Variants in SYT2 observed in about 807,000 individuals in gnomAD.
The protein encoded by SYT2 is synaptotagmin 2.
Under a neutral mutation model 39.9 loss-of-function variants are expected in SYT2, and 15 were observed. The observed-to-expected ratio is 0.38, with a 90% CI of 0.25 to 0.58. The LOEUF is 0.58. Among genes scored for constraint, SYT2 ranks in the 20% least tolerant of loss-of-function variants. The pLI is 0.70. For missense variants in SYT2, 389 were observed against 530.3 expected (o/e 0.73, Z 2.62); for synonymous variants, 181 against 204.5 (o/e 0.89, Z 0.98).
intron 1 of SYT2, chr1:202,632,024 A>G (rs183722651): frequency 3.0e-6 from 3 of 985,404 alleles, no homozygotes; most frequent in East Asian, 2.3e-4. Flanking sequence ...GAGGACCACA[A>G]GAGCTTCCTT....
At chr1:202,659,580 T>C (rs1273023644) in intron 1 of SYT2, among the ~76,000 whole-genome samples, 2 of 152,194 alleles carry the variant, frequency 1.3e-5, no homozygotes, top group Admixed American at 1.3e-4. Context: ...GCAGGGGAAG[T>C]AGAGCTGCCC....
chr1:202,696,490 G>A (rs550898260), intron 1 of SYT2, among the ~76,000 whole-genome samples: 4 of 149,720 alleles, frequency 2.7e-5, no homozygotes, highest in African/African-American at 9.7e-5. Context: ...TTAAATAATT[G>A]TAATTAAATA....
At chr1:202,606,855 A>G (rs1051568039) in intron 1 of SYT2, among the ~76,000 whole-genome samples, 2 of 152,058 alleles carry the variant, frequency 1.3e-5, no homozygotes, top group Non-Finnish European at 2.9e-5. Context: ...ATTTTTTCTG[A>G]GTATGTTTTA....
intron 1 of SYT2, among the ~76,000 whole-genome samples, chr1:202,681,997 C>T (rs980737338): frequency 2.0e-5 from 3 of 152,208 alleles, no homozygotes; most frequent in Non-Finnish European, 4.4e-5. Flanking sequence ...GAGGCCAGGG[C>T]CACGGTGGCT....
chr1:202,693,417 G>A (rs957299982), intron 1 of SYT2, among the ~76,000 whole-genome samples: 1 of 152,152 alleles, frequency 6.6e-6, no homozygotes, highest in African/African-American at 2.4e-5. Context: ...GCCTGCATCT[G>A]GGCATGACCA....
intron 1 of SYT2, among the ~76,000 whole-genome samples, chr1:202,640,281 G>C (rs1195236687): frequency 7.6e-6 from 1 of 130,958 alleles, no homozygotes; most frequent in Non-Finnish European, 1.6e-5. Context: ...CAAAGGCAGA[G>C]CCAGCAGGGT....
intron 1 of SYT2, among the ~76,000 whole-genome samples, chr1:202,654,797 C>A (rs1391339935): frequency 2.0e-5 from 3 of 152,100 alleles, no homozygotes; most frequent in Non-Finnish European, 2.9e-5. Context: ...AAGGCTGGGC[C>A]AAAATTAACT....
At chr1:202,632,620 CT>C in intron 1 of SYT2, 3 of 983,930 alleles carry the variant, frequency 3.0e-6, no homozygotes, top group Non-Finnish European at 3.6e-6. Flanking sequence ...AGGCTCGACT[CT>C]TCTCCAAGCA....
At chr1:202,656,774 A>G (rs1367831847) in intron 1 of SYT2, among the ~76,000 whole-genome samples, 1 of 152,192 alleles carries the variant, frequency 6.6e-6, no homozygotes, top group Admixed American at 6.5e-5. Flanking sequence ...TTCCCTAACC[A>G]GCCTCTGCTA....
At position 202,696,737 on chromosome 1, in the gene SYT2, T is replaced by C. The variant is rs373428655; in HGVS notation, c.-18+13521A>G. Among the ~76,000 whole-genome samples, 27 of 152,350 alleles carry C rather than the reference T, an allele frequency of 1.8e-4. No individual in the cohort carries two copies. The South Asian group carries it at 2.5e-3, about 14-fold the overall frequency. On this transcript the variant is annotated intron_variant, in intron 1 of 8. Transcript: ENST00000367268. ...CTGCAAGGCCAGGGGTCCCAGCTTCTAGTCCTGGCCCCAACACTGAGGAGT... is the reference window on the plus strand; with the variant it reads ...CTGCAAGGCCAGGGGTCCCAGCTTCCAGTCCTGGCCCCAACACTGAGGAGT...
At chr1:202,691,980 C>T (rs537532451) in intron 1 of SYT2, among the ~76,000 whole-genome samples, 10 of 152,164 alleles carry the variant, frequency 6.6e-5, no homozygotes, top group Middle Eastern at 3.4e-3. Context: ...ACCATCAAAG[C>T]ACCCCCAGCC....
intron 1 of SYT2, among the ~76,000 whole-genome samples, chr1:202,704,024 T>C (rs1654186567): frequency 6.6e-6 from 1 of 152,306 alleles, no homozygotes; most frequent in South Asian, 2.1e-4. Context: ...ACCTGACAAA[T>C]GCCTCGGGGG....
chr1:202,652,630 A>T (rs1358563283), intron 1 of SYT2, among the ~76,000 whole-genome samples: 1 of 152,142 alleles, frequency 6.6e-6, no homozygotes, highest in African/African-American at 2.4e-5. Context: ...GAGGAGCTTA[A>T]AGGAAAGGTG....
chr1:202,694,821 T>A (rs1653933953), intron 1 of SYT2, among the ~76,000 whole-genome samples: 1 of 151,724 alleles, frequency 6.6e-6, no homozygotes, highest in African/African-American at 2.4e-5. Context: ...CTCCGACACT[T>A]TAATATATTT....
intron 1 of SYT2, among the ~76,000 whole-genome samples, chr1:202,686,715 CCT>C (rs1295157972): frequency 9.2e-5 from 14 of 152,278 alleles, no homozygotes; most frequent in African/African-American, 3.4e-4. Context: ...CAAACAGGCC[CCT>C]GATGCTAGCT....
intron 1 of SYT2, among the ~76,000 whole-genome samples, chr1:202,615,989 G>A (rs558600233): frequency 3.3e-5 from 5 of 151,890 alleles, no homozygotes; most frequent in East Asian, 3.9e-4. Context: ...GGCTACCCCC[G>A]ACTGCTGAGC....
chr1:202,615,633 G>T (rs1691012024), intron 1 of SYT2, among the ~76,000 whole-genome samples: 1 of 152,114 alleles, frequency 6.6e-6, no homozygotes, highest in Admixed American at 6.5e-5. Flanking sequence ...TAAGATCCCT[G>T]CCTGGCCTGG....
chr1:202,648,678 G>T (rs1233278308), intron 1 of SYT2, among the ~76,000 whole-genome samples: 1 of 152,188 alleles, frequency 6.6e-6, no homozygotes, highest in African/African-American at 2.4e-5. Flanking sequence ...CATCCACTGG[G>T]CTACCTGGGG....
intron 1 of SYT2, among the ~76,000 whole-genome samples, chr1:202,672,620 G>T (rs187587264): frequency 4.0e-5 from 6 of 148,960 alleles, no homozygotes; most frequent in Admixed American, 2.0e-4. Context: ...GTTTAACACA[G>T]CTGAAGAAGA....
Sources: allele counts gnomAD v4.1 joint callset (sites outside exome capture counted in the v4.1 genomes callset), GRCh38; gene constraint gnomAD v4.1.1; transcripts MANE v1.5; gene names NCBI Gene and HGNC (gene_info 2026-07-23, HGNC 2026-07-21).